The following RFX6 variants were observed in gnomAD, a reference collection of about 807,000 sequenced individuals.
The protein encoded by RFX6 is DNA-binding protein RFX6.
RFX6 carries 50 observed loss-of-function variants against 110.8 expected under a neutral mutation model. The ratio of observed to expected loss-of-function variants is 0.45; its 90% confidence interval spans 0.36 to 0.57. The LOEUF is 0.57. Ranked by LOEUF, RFX6 falls within the 20% of genes least tolerant of loss-of-function variation. The pLI is 0.00. For missense variants in RFX6, 990 were observed against 1,127.0 expected (o/e 0.88, Z 1.74); for synonymous variants, 383 against 411.2 (o/e 0.93, Z 0.83).
rs1399400549 is a variant in RFX6 at position 116,928,871 on chromosome 6, C to A, written c.2511C>A (p.Ile837=). ...SIRSLPPYSD[I]HDPLNILDDS... is the part of the protein sequence containing the mutation. ...GTTCACTGCCCCCCTACAGTGACAT[C>A]CACGATCCACTTAACATTTTAGATG... The change falls in exon 18 of 19, where the codon ATC becomes ATA. Residue 837 remains isoleucine, a synonymous_variant. Transcript: ENST00000332958. 6.2e-7 allele frequency: 1 copy of A among 1,613,528 alleles called. No homozygotes were observed. Among genetic ancestry groups the A allele is most frequent in the South Asian group, 1.1e-5 (1 of 91,070 alleles).
Position 116,931,317 on chromosome 6 carries a change from A to G in RFX6, c.2612-14A>G. Reference sequence around the variant, plus strand: ...CAATCAATTTTCAATTGCTGATTATATTTTCCCTTACAGCTTCCAGTTTGC... The same window carrying G: ...CAATCAATTTTCAATTGCTGATTATGTTTTCCCTTACAGCTTCCAGTTTGC... On this transcript the variant is annotated splice_polypyrimidine_tract_variant and intron_variant, in intron 18 of 18. Coordinates refer to ENST00000332958, the MANE Select transcript of RFX6 (RefSeq NM_173560.4). 2 of 1,595,200 alleles carry G rather than the reference A, an allele frequency of 1.3e-6. No individual in the cohort carries two copies. The highest frequency in any genetic ancestry group is 8.6e-7 in the Non-Finnish European group (1 of 1,162,930).
intron 4 of RFX6, among the ~76,000 whole-genome samples, chr6:116,893,672 T>C (rs1036197409): frequency 4.6e-5 from 7 of 152,220 alleles, no homozygotes; most frequent in African/African-American, 9.7e-5. Flanking sequence ...ACAGTACATA[T>C]ACTTAGAGCC....
intron 6 of RFX6, among the ~76,000 whole-genome samples, chr6:116,907,461 G>A (rs1775231512): frequency 6.6e-6 from 1 of 152,106 alleles, no homozygotes; most frequent in Admixed American, 6.6e-5. Context: ...ATGTTTGGTA[G>A]AATTCACTGC....
intron 3 of RFX6, 51 bp from the exon 4 acceptor site, chr6:116,882,316 C>A: frequency 7.4e-7 from 1 of 1,350,836 alleles, no homozygotes; most frequent in Non-Finnish European, 1.1e-6. Context: ...GAGTGGCTTG[C>A]ATTAGGACCA....
chr6:116,918,455 T>C (rs1013447875), intron 10 of RFX6, among the ~76,000 whole-genome samples: 2 of 151,972 alleles, frequency 1.3e-5, no homozygotes, highest in Non-Finnish European at 2.9e-5. Flanking sequence ...TTAACTTTTG[T>C]CTTAATTACA....
intron 2 of RFX6, 25 bp downstream of exon 2, chr6:116,877,977 T>A (rs1464435798): frequency 2.2e-5 from 36 of 1,610,068 alleles, no homozygotes; most frequent in Non-Finnish European, 2.8e-5. Flanking sequence ...CAGGGTACAC[T>A]GAAGCACCTG....
At chr6:116,877,581 G>A in intron 1 of RFX6, 83 bp downstream of exon 1, 1 of 1,154,122 alleles carries the variant, frequency 8.7e-7, no homozygotes, top group Non-Finnish European at 1.2e-6. Flanking sequence ...AATGCATCCC[G>A]AACAAACATA....
At chr6:116,888,921 G>A (rs1416120079) in intron 4 of RFX6, among the ~76,000 whole-genome samples, 1 of 152,106 alleles carries the variant, frequency 6.6e-6, no homozygotes, top group Non-Finnish European at 1.5e-5. Flanking sequence ...TAGGAGGACA[G>A]AAAGCTGCTC....
chr6:116,925,869 T>A (rs578148826), intron 16 of RFX6, among the ~76,000 whole-genome samples: 111 of 151,392 alleles, frequency 7.3e-4, no homozygotes, highest in Middle Eastern at 3.4e-3. Context: ...CTTGACACAC[T>A]CCATAAATTA....
At chr6:116,902,403 G>A (rs554913302) in intron 6 of RFX6, among the ~76,000 whole-genome samples, 18 of 151,828 alleles carry the variant, frequency 1.2e-4, no homozygotes, top group African/African-American at 3.6e-4. Context: ...ATAAAAAACA[G>A]GAAAAAGATG....
intron 8 of RFX6, 56 bp from the exon 9 acceptor site, chr6:116,916,145 T>G: frequency 5.8e-6 from 9 of 1,548,356 alleles, no homozygotes; most frequent in Non-Finnish European, 8.0e-6. Context: ...TGTTCTGTTC[T>G]TAATGAGTTC....
intron 7 of RFX6, among the ~76,000 whole-genome samples, chr6:116,913,884 A>G (rs948381636): frequency 4.6e-5 from 7 of 152,180 alleles, no homozygotes; most frequent in African/African-American, 1.7e-4. Flanking sequence ...AAATCAGTGT[A>G]ATTGGGTTAC....
At chr6:116,920,131 T>C (rs1775560636) in intron 11 of RFX6, among the ~76,000 whole-genome samples, 179 bp from the exon 12 acceptor site, 1 of 152,212 alleles carries the variant, frequency 6.6e-6, no homozygotes, top group East Asian at 1.9e-4. Flanking sequence ...TCTCCTATAA[T>C]TTTCAGACTT....
Position 116,927,172 on chromosome 6 carries a change from C to A in RFX6, c.2031C>A (p.His677Gln). ...SVGPVLSAPS[H>Q]CSTYPEPIYP... ...GCCCAGTACTGTCAGCTCCATCACA[C>A]TGCTCCACATACCCAGAGCCCATTT... Residue 677 changes from histidine to glutamine, a missense_variant, in exon 17 of 19, where the codon CAC becomes CAA. By Grantham distance (24) the His-to-Gln change is conservative. This residue lies in a region of RFX6 where 438 missense variants were observed against 441.9 expected (regional missense o/e 0.99). Transcript: ENST00000332958. 6.2e-7 allele frequency: 1 copy of A among 1,614,202 alleles called. No individual in the cohort carries two copies. The highest frequency in any genetic ancestry group is 8.5e-7 in the Non-Finnish European group (1 of 1,180,024).
intron 6 of RFX6, among the ~76,000 whole-genome samples, chr6:116,904,816 G>A (rs577594686): frequency 1.1e-4 from 17 of 152,100 alleles, no homozygotes; most frequent in Non-Finnish European, 1.8e-4. Flanking sequence ...TGTCCTCAAG[G>A]TTCATCCATG....
chr6:116,878,041 C>A, intron 2 of RFX6, 89 bp downstream of exon 2: 2 of 1,336,238 alleles, frequency 1.5e-6, no homozygotes, highest in Non-Finnish European at 2.1e-6. Flanking sequence ...CAATTTACTT[C>A]TTCCTCAAAC....
chr6:116,882,364 T>TA lies in RFX6; in HGVS notation c.505-2dup, dbSNP rs1774607095. On this transcript the variant is annotated splice_region_variant and splice_polypyrimidine_tract_variant and intron_variant, in intron 3 of 18. Coordinates refer to ENST00000332958, the MANE Select transcript of RFX6 (RefSeq NM_173560.4). ...CGCCTAAAGTAATCATCTTTCTTTT[T>TA]AGACAATTCGCCAGAAGTTTCCCCT... The TA allele has an allele frequency of 6.2e-7, 1 of 1,611,846 alleles. No homozygotes were observed. Among genetic ancestry groups the TA allele is most frequent in the Non-Finnish European group, 8.5e-7 (1 of 1,178,150 alleles).
chr6:116,894,464 T>G (rs4946201), intron 5 of RFX6, among the ~76,000 whole-genome samples: 1,692 of 152,288 alleles, frequency 0.011, 29 homozygotes, highest in Admixed American at 0.041. Context: ...CTTACCAAGA[T>G]AGAAAGTTTA....
chr6:116,911,630 T>C (rs1775354398), intron 7 of RFX6, among the ~76,000 whole-genome samples: 1 of 152,214 alleles, frequency 6.6e-6, no homozygotes, highest in Admixed American at 6.5e-5. Flanking sequence ...GTAAACTATA[T>C]CTTCGATTTC....
Sources: gnomAD v4.1 joint callset for allele counts (sites outside exome capture counted in the v4.1 genomes callset) on GRCh38, gnomAD v4.1.1 for gene constraint, gnomAD v4.1.1 regional missense constraint, MANE v1.5 for transcripts, NCBI Gene and HGNC (gene_info 2026-07-23, HGNC 2026-07-21) for gene names.